The following TTC28 variants were observed in gnomAD, a reference collection of about 807,000 sequenced individuals.
TTC28 encodes the protein tetratricopeptide repeat domain 28, also known as tetratricopeptide repeat protein 28.
TTC28 carries 61 observed loss-of-function variants against 198.0 expected under a neutral mutation model. That is an observed-to-expected ratio of 0.31 (90% CI 0.25 to 0.38). TTC28 has a LOEUF of 0.38. Ranked by LOEUF, TTC28 falls within the 10% of genes least tolerant of loss-of-function variation. The pLI, the probability that TTC28 is intolerant of heterozygous loss-of-function variation, is 1.00. For missense variants in TTC28, 2,678 were observed against 3,164.0 expected (o/e 0.85, Z 3.69); for synonymous variants, 1,171 against 1,297.8 (o/e 0.90, Z 2.10).
chr22:28,428,536 T>C (rs1210099403), intron 2 of TTC28, among the ~76,000 whole-genome samples: 1 of 152,196 alleles, frequency 6.6e-6, no homozygotes, highest in Non-Finnish European at 1.5e-5. Context: ...GTCTAGACTG[T>C]AAGCTCATTG....
intron 5 of TTC28, among the ~76,000 whole-genome samples, chr22:28,288,583 G>C (rs959973740): frequency 6.6e-6 from 1 of 152,002 alleles, no homozygotes; most frequent in Non-Finnish European, 1.5e-5. Context: ...TGAGGCAGGC[G>C]GATCACGAGG....
chr22:28,216,571 C>T (rs913735845), intron 5 of TTC28, among the ~76,000 whole-genome samples: 11 of 151,826 alleles, frequency 7.2e-5, no homozygotes, highest in African/African-American at 2.4e-4. Flanking sequence ...GTCTCATTTA[C>T]ATACAAAGGA....
chr22:27,983,925 G>A (rs558771194), intron 22 of TTC28, 74 bp from the exon 23 acceptor site: 56 of 1,441,982 alleles, frequency 3.9e-5, no homozygotes, highest in African/African-American at 3.3e-4. Context: ...CAAAATTTAC[G>A]ACATCTTTAT....
intron 2 of TTC28, among the ~76,000 whole-genome samples, chr22:28,412,256 C>G (rs1008245454): frequency 6.6e-6 from 1 of 152,160 alleles, no homozygotes; most frequent in Non-Finnish European, 1.5e-5. Context: ...TTACAAACTG[C>G]CTCAGGTTGC....
intron 2 of TTC28, among the ~76,000 whole-genome samples, chr22:28,463,351 G>A (rs1477241828): frequency 2.0e-5 from 3 of 152,154 alleles, no homozygotes; most frequent in East Asian, 1.9e-4. Context: ...GGAAGACAGT[G>A]TGGCGATTCC....
intron 12 of TTC28, among the ~76,000 whole-genome samples, chr22:28,059,443 T>C (rs566804431): frequency 6.6e-6 from 1 of 152,036 alleles, no homozygotes; most frequent in Admixed American, 6.6e-5. Flanking sequence ...TCAAAATGTG[T>C]TTTATAGTCT....
intron 2 of TTC28, among the ~76,000 whole-genome samples, chr22:28,613,111 A>G (rs557014622): frequency 3.9e-5 from 6 of 152,280 alleles, no homozygotes; most frequent in Non-Finnish European, 8.8e-5. Context: ...AAGAAAAGAG[A>G]GAAGAATCAA....
At chr22:28,036,264 G>A (rs755403419) in intron 12 of TTC28, among the ~76,000 whole-genome samples, 16 of 152,242 alleles carry the variant, frequency 1.1e-4, no homozygotes, top group Admixed American at 2.0e-4. Context: ...CTACAAAATC[G>A]TTAGTAAAAC....
At chr22:28,326,982 AC>A (rs2045542470) in intron 2 of TTC28, among the ~76,000 whole-genome samples, 1 of 85,750 alleles carries the variant, frequency 1.2e-5, no homozygotes. Flanking sequence ...ACAAACACAC[AC>A]ACACACACAC....
At chr22:28,561,633 C>T (rs1200331677) in intron 2 of TTC28, among the ~76,000 whole-genome samples, 10 of 152,054 alleles carry the variant, frequency 6.6e-5, no homozygotes, top group African/African-American at 1.9e-4. Context: ...AGGTAAATTC[C>T]AACCTATTTA....
chr22:28,448,419 A>G (rs1323838524), intron 2 of TTC28, among the ~76,000 whole-genome samples: 1 of 152,162 alleles, frequency 6.6e-6, no homozygotes, highest in Non-Finnish European at 1.5e-5. Context: ...CTAGCCTCAT[A>G]CTTATTTATA....
Position 27,999,053 on chromosome 22 carries a change from C to A in TTC28, c.4606G>T (p.Ala1536Ser), listed in dbSNP as rs749174167. ...SVATKERVMS[A>S]LTQAECVHFA... Reference sequence around the variant, plus strand: ...TGGACGCATTCAGCCTGGGTCAGGGCACTCATGACCCTCTCCTTGGTGGCC... The same window carrying A: ...TGGACGCATTCAGCCTGGGTCAGGGAACTCATGACCCTCTCCTTGGTGGCC... Residue 1536 changes from alanine (A) to serine (S), a missense_variant, in exon 16 of 23, where the codon GCC becomes TCC. By Grantham distance (99) the Ala-to-Ser change is moderately conservative (BLOSUM62 1). Coordinates refer to ENST00000397906, the MANE Select transcript of TTC28 (RefSeq NM_001145418.2). 6.5e-7 allele frequency: 1 copy of A among 1,550,328 alleles called. No homozygotes were observed. The highest frequency in any genetic ancestry group is 2.0e-5 in the Admixed American group (1 of 51,014).
intron 12 of TTC28, among the ~76,000 whole-genome samples, chr22:28,035,657 C>T (rs1294443973): frequency 6.6e-6 from 1 of 152,206 alleles, no homozygotes; most frequent in Non-Finnish European, 1.5e-5. Context: ...CCAGTAGCCA[C>T]TTAGCAAGAG....
At chr22:28,673,328 C>T (rs536242233) in intron 1 of TTC28, among the ~76,000 whole-genome samples, 2 of 151,930 alleles carry the variant, frequency 1.3e-5, no homozygotes, top group Non-Finnish European at 2.9e-5. Flanking sequence ...GAGCAGAGAT[C>T]GCGCCACTGC....
chr22:28,602,842 TAACTA>T (rs2050662955), intron 2 of TTC28, among the ~76,000 whole-genome samples: 1 of 152,202 alleles, frequency 6.6e-6, no homozygotes, highest in African/African-American at 2.4e-5. Context: ...TTGCAAAAAT[TAACTA>T]AACTAATAAA....
At chr22:28,170,920 AGCCTCTCT>A (rs895305835) in intron 5 of TTC28, among the ~76,000 whole-genome samples, 1 of 150,510 alleles carries the variant, frequency 6.6e-6, no homozygotes, top group African/African-American at 2.4e-5. Flanking sequence ...TTCTAACCCC[AGCCTCTCT>A]GTGCAGAGAG....
At chr22:27,990,569 C>T (rs916108595) in intron 20 of TTC28, among the ~76,000 whole-genome samples, 2 of 152,170 alleles carry the variant, frequency 1.3e-5, no homozygotes, top group African/African-American at 2.4e-5. Context: ...GAGGTCAAAT[C>T]AAGGACGCAA....
intron 2 of TTC28, among the ~76,000 whole-genome samples, chr22:28,475,149 C>CAAACA (rs2048145085): frequency 1.5e-5 from 1 of 64,998 alleles, no homozygotes; most frequent in South Asian, 6.5e-4. Flanking sequence ...GACTCCATCT[C>CAAACA]AAAAAAAAAA....
Position 28,030,213 on chromosome 22 carries a change from GC to G in TTC28, c.4073+12del. 6.4e-7 allele frequency: 1 copy of G among 1,551,390 alleles called. No homozygotes were observed. Among genetic ancestry groups the G allele is most frequent in the Non-Finnish European group, 8.7e-7 (1 of 1,146,930 alleles). On this transcript the variant is annotated intron_variant, in intron 13 of 22. Transcript: ENST00000397906. The stretch of plus-strand genomic sequence containing the variant: ...GCCCTGCACTGGGCCTGGGGAAAGC[GC>G]CCCACACTCACCTGTTAAACAGGTT...
Sources: gnomAD v4.1 joint callset for allele counts (sites outside exome capture counted in the v4.1 genomes callset) on GRCh38, gnomAD v4.1.1 for gene constraint, MANE v1.5 for transcripts, NCBI Gene and HGNC (gene_info 2026-07-23, HGNC 2026-07-21) for gene names.